The following STAG1 variants were observed in gnomAD, a reference collection of about 807,000 sequenced individuals.
STAG1 encodes STAG1 cohesin complex component.
In STAG1, 26 loss-of-function variants were observed where a neutral mutation model predicts 170.9. That is an observed-to-expected ratio of 0.15 (90% CI 0.11 to 0.21). The LOEUF (loss-of-function observed/expected upper bound fraction) is 0.21. Among genes scored for constraint, STAG1 ranks in the 10% least tolerant of loss-of-function variants. The pLI, the probability that STAG1 is intolerant of heterozygous loss-of-function variation, is 1.00. For synonymous variants in STAG1, 514 were observed against 497.7 expected, an observed-to-expected ratio of 1.03 and a Z score of -0.44; for missense variants, 964 against 1,509.5, an observed-to-expected ratio of 0.64 and a Z score of 5.99.
At chr3:136,454,337 C>T (rs917545116) in intron 13 of STAG1, among the ~76,000 whole-genome samples, 1 of 151,632 alleles carries the variant, frequency 6.6e-6, no homozygotes, top group African/African-American at 2.4e-5. Context: ...ACCTCAGCCT[C>T]CCAAAGTGCT....
intron 29 of STAG1, 38 bp from the exon 30 acceptor site, chr3:136,344,044 T>C (rs2108261597): frequency 6.8e-7 from 1 of 1,476,010 alleles, no homozygotes; most frequent in Non-Finnish European, 9.1e-7. Flanking sequence ...ATGTCGTGGG[T>C]GGAGTGAACT....
rs1383673624 is a variant in STAG1 at position 136,439,423 on chromosome 3, CACACACACACACACACACAA to C, written c.1546+3844_1546+3863del. Reference sequence around the variant, plus strand: ...ACACACACACACACACACACACACACACACACACACACACACACAAACACTGTAAGACAGTCTTAAGGCCA... The same window carrying C: ...ACACACACACACACACACACACACACACACTGTAAGACAGTCTTAAGGCCA... On this transcript the variant is annotated intron_variant, in intron 15 of 33. Coordinates refer to ENST00000383202, the MANE Select transcript of STAG1 (RefSeq NM_005862.3). 1.6e-3 allele frequency among the ~76,000 whole-genome samples: 232 copies of C among 143,894 alleles called. 1 individual carries two copies. Among genetic ancestry groups the C allele is most frequent in the African/African-American group, 2.5e-3 (95 of 38,390 alleles). 94.4% of individuals were successfully genotyped at this position (143,894 alleles called of 152,430 possible). A position where few individuals can be genotyped will look rare whatever the true frequency, so the allele number is the denominator to read the frequency against.
chr3:136,474,805 C>T (rs1468329966), intron 10 of STAG1, among the ~76,000 whole-genome samples: 1 of 152,198 alleles, frequency 6.6e-6, no homozygotes, highest in Non-Finnish European at 1.5e-5. Context: ...CCAGTGTTAA[C>T]TGCTAATGGT....
chr3:136,623,739 T>C (rs942183347), intron 2 of STAG1, among the ~76,000 whole-genome samples: 8 of 151,956 alleles, frequency 5.3e-5, no homozygotes, highest in Non-Finnish European at 1.2e-4. Flanking sequence ...GCGGATCACC[T>C]GAAATCAGAA....
intron 1 of STAG1, among the ~76,000 whole-genome samples, chr3:136,636,604 A>G (rs963164008): frequency 6.6e-6 from 1 of 152,246 alleles, no homozygotes; most frequent in African/African-American, 2.4e-5. Context: ...GCAAAATGAC[A>G]TGTAACAAAA....
chr3:136,486,876 C>T (rs1048199664), intron 9 of STAG1, among the ~76,000 whole-genome samples: 1 of 151,918 alleles, frequency 6.6e-6, no homozygotes, highest in South Asian at 2.1e-4. Flanking sequence ...ATTTTTTACA[C>T]CCATATCTAC....
chr3:136,356,919 ATTT>A (rs1219933509), intron 28 of STAG1, among the ~76,000 whole-genome samples: 1 of 141,160 alleles, frequency 7.1e-6, no homozygotes, highest in South Asian at 2.3e-4. Context: ...TGCCTAGCTA[ATTT>A]TTTTTTATTT....
intron 22 of STAG1, among the ~76,000 whole-genome samples, chr3:136,397,067 T>C (rs930195313): frequency 1.3e-5 from 2 of 152,220 alleles, no homozygotes; most frequent in Non-Finnish European, 2.9e-5. Flanking sequence ...TCAAGCTGTT[T>C]GTTCTATATG....
intron 1 of STAG1, among the ~76,000 whole-genome samples, chr3:136,672,077 G>C (rs1338969246): frequency 6.6e-6 from 1 of 152,142 alleles, no homozygotes; most frequent in Admixed American, 6.5e-5. Flanking sequence ...TAAATATCCA[G>C]AAACATTTTT....
intron 1 of STAG1, among the ~76,000 whole-genome samples, chr3:136,700,567 C>T (rs903861827): frequency 1.3e-5 from 2 of 151,160 alleles, no homozygotes; most frequent in African/African-American, 4.9e-5. Flanking sequence ...TTACAGGTGC[C>T]CGCTACCACG....
intron 1 of STAG1, among the ~76,000 whole-genome samples, chr3:136,669,599 C>A (rs1941917798): frequency 6.6e-6 from 1 of 152,022 alleles, no homozygotes; most frequent in Non-Finnish European, 1.5e-5. Context: ...ACTCAAGTGA[C>A]CTGCCTGCCT....
intron 5 of STAG1, among the ~76,000 whole-genome samples, chr3:136,552,278 A>T (rs1936437328): frequency 6.6e-6 from 1 of 152,248 alleles, no homozygotes; most frequent in African/African-American, 2.4e-5. Flanking sequence ...TCATTTCCAC[A>T]AAAAATTTTT....
intron 1 of STAG1, among the ~76,000 whole-genome samples, chr3:136,636,648 T>C (rs1038283200): frequency 2.0e-5 from 3 of 152,186 alleles, no homozygotes; most frequent in Non-Finnish European, 2.9e-5. Flanking sequence ...ATATAAACAA[T>C]AGTTAAGTTC....
intron 1 of STAG1, among the ~76,000 whole-genome samples, chr3:136,713,756 C>T (rs1487599141): frequency 6.6e-6 from 1 of 152,012 alleles, no homozygotes; most frequent in Non-Finnish European, 1.5e-5. Flanking sequence ...GGCGCTGTGG[C>T]TCAAGCCTTT....
At chr3:136,372,980 G>A (rs897926519) in intron 23 of STAG1, among the ~76,000 whole-genome samples, 1 of 152,176 alleles carries the variant, frequency 6.6e-6, no homozygotes, top group Non-Finnish European at 1.5e-5. Context: ...TCTGGTCCTG[G>A]ACTTTTTTTG....
intron 1 of STAG1, among the ~76,000 whole-genome samples, chr3:136,732,635 A>T (rs1934106996): frequency 6.6e-6 from 1 of 152,136 alleles, no homozygotes; most frequent in African/African-American, 2.4e-5. Context: ...TTTGAGACAG[A>T]GTCTTGCTCT....
chr3:136,570,223 A>G (rs1937218823), intron 4 of STAG1, among the ~76,000 whole-genome samples: 2 of 152,202 alleles, frequency 1.3e-5, no homozygotes, highest in Admixed American at 1.3e-4. Context: ...AACCATCCCC[A>G]GCACAAAGGG....
At chr3:136,415,482 T>G (rs2087745173) in intron 21 of STAG1, among the ~76,000 whole-genome samples, 1 of 152,208 alleles carries the variant, frequency 6.6e-6, no homozygotes, top group Non-Finnish European at 1.5e-5. Flanking sequence ...GTATTTTCTC[T>G]GAATTCTTAT....
At chr3:136,638,130 C>CTTT (rs34896224) in intron 1 of STAG1, among the ~76,000 whole-genome samples, 181 of 142,412 alleles carry the variant, frequency 1.3e-3, no homozygotes, top group African/African-American at 2.7e-3. Context: ...GCTGCATTTT[C>CTTT]TTTTTTTTTT....
Sources: gnomAD v4.1 joint callset for allele counts (sites outside exome capture counted in the v4.1 genomes callset) on GRCh38, gnomAD v4.1.1 for gene constraint, MANE v1.5 for transcripts, NCBI Gene and HGNC (gene_info 2026-07-23, HGNC 2026-07-21) for gene names.